NANOG: variants seen among roughly 807,000 people sequenced by gnomAD.
The protein encoded by NANOG is homeobox protein NANOG.
In NANOG, 2 loss-of-function variants were observed where a neutral mutation model predicts 17.7. The observed-to-expected ratio is 0.11, with a 90% CI of 0.05 to 0.36. The LOEUF is 0.36. NANOG is among the 10% of genes least tolerant of loss of function. NANOG has a pLI of 1.00. For synonymous variants in NANOG, 81 were observed against 124.7 expected (o/e 0.65, Z 2.33); for missense variants, 174 against 362.1 (o/e 0.48, Z 4.22).
intron 2 of NANOG, 86 bp from the exon 3 acceptor site, chr12:7,794,371 C>T: frequency 1.6e-6 from 2 of 1,266,138 alleles, no homozygotes; most frequent in Non-Finnish European, 2.2e-6. Flanking sequence ...TGGCACCTGG[C>T]CAGGAATAAA....
chr12:7,791,451 T>G (rs1486106794), intron 1 of NANOG, among the ~76,000 whole-genome samples: 1 of 152,152 alleles, frequency 6.6e-6, no homozygotes, highest in Non-Finnish European at 1.5e-5. Flanking sequence ...GGATGTGTTT[T>G]CTTTAGCACA....
At chr12:7,791,630 T>C (rs1485172753) in intron 1 of NANOG, among the ~76,000 whole-genome samples, 3 of 152,170 alleles carry the variant, frequency 2.0e-5, no homozygotes, top group Non-Finnish European at 4.4e-5. Flanking sequence ...AGGGGTAGAA[T>C]TGAGAGTTGA....
Position 7,794,447 on chromosome 12 carries a change from T to C in NANOG, c.415-10T>C, listed in dbSNP as rs779327462. ...GAATATTTTACAATTTCTATCATTT[T>C]TTCCTGCAGGTGAAGACCTGGTTCC... is the stretch of plus-strand genomic sequence containing the variant. On this transcript the variant is annotated splice_polypyrimidine_tract_variant and intron_variant, in intron 2 of 3. Transcript: ENST00000229307. The C allele has an allele frequency of 3.1e-6, 5 of 1,607,778 alleles. No individual in the cohort carries two copies. In the South Asian group the frequency reaches 5.5e-5, roughly 18 times the overall value.
intron 2 of NANOG, among the ~76,000 whole-genome samples, chr12:7,793,465 G>A (rs923346710): frequency 2.6e-5 from 4 of 152,012 alleles, no homozygotes; most frequent in African/African-American, 7.3e-5. Flanking sequence ...TCTTTCCAAC[G>A]TTTCCTTAAT....
Position 7,797,391 on chromosome 12 carries a change from T to G in NANOG, c.*2296T>G, listed in dbSNP as rs1277918501. 1 of 140,542 alleles carries G rather than the reference T, an allele frequency of 7.1e-6. No homozygotes were observed. Among genetic ancestry groups the G allele is most frequent in the Non-Finnish European group, 1.5e-5 (1 of 65,148 alleles). The allele number at this position is 140,542 out of a possible 1,614,324, so 8.7% of individuals were successfully genotyped here. On this transcript the variant is annotated 3_prime_UTR_variant, in exon 4 of 4. Transcript: ENST00000229307. The stretch of plus-strand genomic sequence containing the variant: ...TTTTTTTTTGAGATGGAACTTCACT[T>G]TTGTTACTCAGGCTGGAGCACAATG...
At chr12:7,792,519 C>A (rs1169900661) in intron 1 of NANOG, among the ~76,000 whole-genome samples, 1 of 152,090 alleles carries the variant, frequency 6.6e-6, no homozygotes, top group Non-Finnish European at 1.5e-5. Flanking sequence ...ACAAAATTAG[C>A]CAGGCGTGAT....
intron 1 of NANOG, 90 bp from the exon 2 acceptor site, chr12:7,792,860 A>G (rs1469235168): frequency 7.5e-7 from 1 of 1,339,978 alleles, no homozygotes; most frequent in Admixed American, 2.2e-5. Flanking sequence ...TCTGGGAATT[A>G]TCAAAGTACT....
At chr12:7,791,617 T>C (rs2120563284) in intron 1 of NANOG, among the ~76,000 whole-genome samples, 1 of 152,286 alleles carries the variant, frequency 6.6e-6, no homozygotes, top group African/African-American at 2.4e-5. Flanking sequence ...GTTATGTGAC[T>C]GCAGGGGTAG....
Position 7,795,511 on chromosome 12 carries a change from CG to C in NANOG, c.*420del, listed in dbSNP as rs1003633919. 1 of 194,322 alleles carries C rather than the reference CG, an allele frequency of 5.1e-6. No individual in the cohort carries two copies. Among genetic ancestry groups the C allele is most frequent in the Non-Finnish European group, 1.0e-5 (1 of 98,156 alleles). 12.0% of individuals were successfully genotyped at this position (194,322 alleles called of 1,614,324 possible). ...TAATATTTTGTATTTTTAGTAGAGA[CG>C]GGGTTTCACTGTGTTAGCCAGGATG... On this transcript the variant is annotated 3_prime_UTR_variant, in exon 4 of 4. Coordinates refer to ENST00000229307, the MANE Select transcript of NANOG (RefSeq NM_024865.4).
Position 7,789,748 on chromosome 12 carries a change from T to A in NANOG, c.134T>A (p.Met45Lys). The change falls in exon 1 of 4, where the codon ATG becomes AAG. Residue 45 changes from methionine (M) to lysine (K), a missense_variant. This residue lies in a region of NANOG where 158 missense variants were observed against 244.2 expected (regional missense o/e 0.65). Transcript: ENST00000229307. The stretch of plus-strand genomic sequence containing the variant: ...TCCTTGCAAATGTCTTCTGCTGAGA[T>A]GCCTCACACGGAGACTGGTAAGAAA... ...YPSLQMSSAE[M>K]PHTETVSPLP... is the part of the protein sequence containing the mutation. 6.2e-7 allele frequency: 1 copy of A among 1,613,908 alleles called. No homozygotes were observed. The highest frequency in any genetic ancestry group is 8.5e-7 in the Non-Finnish European group (1 of 1,180,024).
rs1430197450 is a variant in NANOG at position 7,794,923 on chromosome 12, A to G, written c.746A>G (p.Gln249Arg). ...TATAACTGTGGAGAGGAATCTCTGC[A>G]GTCCTGCATGCAGTTCCAGCCAAAT... ...PFYNCGEESLQSCMQFQPNSP... is the reference protein window; with the variant it reads ...PFYNCGEESLRSCMQFQPNSP... The change falls in exon 4 of 4, where the codon CAG (glutamine) becomes CGG (arginine). Residue 249 changes from glutamine (Q) to arginine (R), a missense_variant. Gln to Arg is a conservative substitution (Grantham distance 43, BLOSUM62 1). This residue lies in a region of NANOG where 16 missense variants were observed against 117.9 expected (regional missense o/e 0.14). Coordinates refer to ENST00000229307, the MANE Select transcript of NANOG (RefSeq NM_024865.4). The G allele has an allele frequency of 2.2e-6, 3 of 1,361,416 alleles. No homozygotes were observed. Among genetic ancestry groups the G allele is most frequent in the Non-Finnish European group, 3.1e-6 (3 of 958,908 alleles). 84.3% of individuals were successfully genotyped at this position (1,361,416 alleles called of 1,614,324 possible).
rs377694987 is a variant in NANOG at position 7,791,641 on chromosome 12, A to T, written c.152-1309A>T. ...CTGCAGGGGTAGAATTGAGAGTTGA[A>T]CACTGGGAAAACCGCAGAGCAATTA... On this transcript the variant is annotated intron_variant, in intron 1 of 3. Coordinates refer to ENST00000229307, the MANE Select transcript of NANOG (RefSeq NM_024865.4). Among the ~76,000 whole-genome samples, 25 of 152,300 alleles carry T rather than the reference A, an allele frequency of 1.6e-4. 1 individual carries two copies. The highest frequency in any genetic ancestry group is 3.8e-4 in the African/African-American group (16 of 41,570).
chr12:7,794,936 G>A lies in NANOG; in HGVS notation c.759G>A (p.Gln253=). 1 of 1,355,082 alleles carries A rather than the reference G, an allele frequency of 7.4e-7. No individual in the cohort carries two copies. The highest frequency in any genetic ancestry group is 1.2e-5 in the South Asian group (1 of 85,324). The allele number at this position is 1,355,082 out of a possible 1,614,324, so 83.9% of individuals were successfully genotyped here. Residue 253 remains glutamine, a synonymous_variant, in exon 4 of 4, where the codon CAG becomes CAA. Coordinates refer to ENST00000229307, the MANE Select transcript of NANOG (RefSeq NM_024865.4). ...AGGAATCTCTGCAGTCCTGCATGCA[G>A]TTCCAGCCAAATTCTCCTGCCAGTG... The part of the protein sequence containing the change: ...CGEESLQSCM[Q]FQPNSPASDL...
rs1318334786 is a variant in NANOG at position 7,798,806 on chromosome 12, A to C, written c.*3711A>C. 1 of 88,142 alleles carries C rather than the reference A, an allele frequency of 1.1e-5. No individual in the cohort carries two copies. Among genetic ancestry groups the C allele is most frequent in the Non-Finnish European group, 2.3e-5 (1 of 43,826 alleles). 5.5% of individuals were successfully genotyped at this position (88,142 alleles called of 1,614,324 possible). ...GCTGTGACTACAAACCTAAAAGTAAAGGCAAACAACTGCCAGACAGAGGCA... is the reference window on the plus strand; with the variant it reads ...GCTGTGACTACAAACCTAAAAGTAACGGCAAACAACTGCCAGACAGAGGCA... On this transcript the variant is annotated 3_prime_UTR_variant, in exon 4 of 4. Transcript: ENST00000229307.
At chr12:7,793,457 T>G (rs907880075) in intron 2 of NANOG, among the ~76,000 whole-genome samples, 1 of 152,262 alleles carries the variant, frequency 6.6e-6, no homozygotes, top group African/African-American at 2.4e-5. Context: ...TGTGAAAATC[T>G]TTCCAACGTT....
At chr12:7,791,751 T>C (rs1392267725) in intron 1 of NANOG, among the ~76,000 whole-genome samples, 1 of 152,182 alleles carries the variant, frequency 6.6e-6, no homozygotes, top group South Asian at 2.1e-4. Context: ...AGAATTTCAA[T>C]TGGTTACCTC....
At position 7,793,178 on chromosome 12, in the gene NANOG, A is replaced by G. The variant is rs1440962673; in HGVS notation, c.380A>G (p.Glu127Gly). ...QKYLSLQQMQ[E>G]LSNILNLSYK... ...TACCTCAGCCTCCAGCAGATGCAAG[A>G]ACTCTCCAACATCCTGAACCTCAGC... Residue 127 changes from glutamate (E) to glycine (G), a missense_variant, in exon 2 of 4, where the codon GAA becomes GGA. By Grantham distance (98) the Glu-to-Gly change is moderately conservative. Transcript: ENST00000229307. The G allele has an allele frequency of 1.1e-5, 18 of 1,613,676 alleles. No homozygotes were observed. Among genetic ancestry groups the G allele is most frequent in the Admixed American group, 6.7e-5 (4 of 59,930 alleles).
At position 7,795,424 on chromosome 12, in the gene NANOG, C is replaced by G. The variant is rs1862914137; in HGVS notation, c.*329C>G. 1.0e-4 allele frequency: 33 copies of G among 330,482 alleles called. No homozygotes were observed. The highest frequency in any genetic ancestry group is 8.6e-4 in the South Asian group (31 of 36,082). The allele number at this position is 330,482 out of a possible 1,614,324, so 20.5% of individuals were successfully genotyped here. A position where few individuals can be genotyped will look rare whatever the true frequency, so the allele number is the denominator to read the frequency against. Reference sequence around the variant, plus strand: ...GCAAGCTCCGTCTCCCGGGTTCACGCCATTCTCCTGCCTCAGCCTCCCGAG... The same window carrying G: ...GCAAGCTCCGTCTCCCGGGTTCACGGCATTCTCCTGCCTCAGCCTCCCGAG... On this transcript the variant is annotated 3_prime_UTR_variant, in exon 4 of 4. Transcript: ENST00000229307.
chr12:7,796,778 T>G lies in NANOG; in HGVS notation c.*1683T>G, dbSNP rs1337384064. ...TTTTTTTTTGTTTTATTTTGTTTTT[T>G]TTTAAGACTGGAGTCTTACTCTGTT... On this transcript the variant is annotated 3_prime_UTR_variant, in exon 4 of 4. Coordinates refer to ENST00000229307, the MANE Select transcript of NANOG (RefSeq NM_024865.4). The G allele has an allele frequency of 1.2e-5, 1 of 84,062 alleles. No individual in the cohort carries two copies. The highest frequency in any genetic ancestry group is 3.5e-5 in the Non-Finnish European group (1 of 28,570). 5.2% of individuals were successfully genotyped at this position (84,062 alleles called of 1,614,324 possible). A position where few individuals can be genotyped will look rare whatever the true frequency, so the allele number is the denominator to read the frequency against.
Sources: allele counts gnomAD v4.1 joint callset (sites outside exome capture counted in the v4.1 genomes callset), GRCh38; gene constraint gnomAD v4.1.1; regional missense constraint gnomAD v4.1.1; transcripts MANE v1.5; gene names NCBI Gene and HGNC (gene_info 2026-07-23, HGNC 2026-07-21).